The following KCND3 variants were observed in gnomAD, a reference collection of about 807,000 sequenced individuals.
KCND3 encodes the protein potassium voltage-gated channel subfamily D member 3.
Under a neutral mutation model 51.1 loss-of-function variants are expected in KCND3, and 9 were observed. The observed-to-expected ratio is 0.18, with a 90% CI of 0.11 to 0.31. The LOEUF is 0.31. Ranked by LOEUF, KCND3 falls within the 10% of genes least tolerant of loss-of-function variation. The pLI, the probability that KCND3 is intolerant of heterozygous loss-of-function variation, is 1.00. For synonymous variants in KCND3, 349 were observed against 368.0 expected, an observed-to-expected ratio of 0.95 and a Z score of 0.59; for missense variants, 526 against 903.8, an observed-to-expected ratio of 0.58 and a Z score of 5.36.
At chr1:111,904,164 A>G (rs1472461200) in intron 2 of KCND3, among the ~76,000 whole-genome samples, 1 of 150,044 alleles carries the variant, frequency 6.7e-6, no homozygotes, top group African/African-American at 2.5e-5. Context: ...CCCCTCCCAG[A>G]TGGTGGAGTC....
intron 2 of KCND3, among the ~76,000 whole-genome samples, chr1:111,848,988 C>A (rs565850157): frequency 6.6e-6 from 1 of 152,150 alleles, no homozygotes; most frequent in Non-Finnish European, 1.5e-5. Flanking sequence ...CCTGCCCCTC[C>A]CTCTCCTTTC....
intron 2 of KCND3, among the ~76,000 whole-genome samples, chr1:111,801,957 G>A (rs1156367385): frequency 1.3e-5 from 2 of 152,238 alleles, no homozygotes; most frequent in Non-Finnish European, 2.9e-5. Flanking sequence ...CCAGGCACAG[G>A]CTTTGGAGCC....
At chr1:111,897,040 G>A (rs1424932364) in intron 2 of KCND3, among the ~76,000 whole-genome samples, 8 of 152,228 alleles carry the variant, frequency 5.3e-5, no homozygotes, top group Admixed American at 2.6e-4. Context: ...TGTCTTGTCC[G>A]CTGTTGTATT....
intron 2 of KCND3, among the ~76,000 whole-genome samples, chr1:111,824,304 G>T (rs1008712879): frequency 6.6e-6 from 1 of 152,270 alleles, no homozygotes; most frequent in African/African-American, 2.4e-5. Flanking sequence ...TTGACCAGTT[G>T]GTTGACTTGC....
intron 2 of KCND3, among the ~76,000 whole-genome samples, chr1:111,831,235 A>T (rs1666821030): frequency 6.6e-6 from 1 of 152,150 alleles, no homozygotes; most frequent in Non-Finnish European, 1.5e-5. Flanking sequence ...CTCTTCCTGT[A>T]CTTTTCCTGT....
chr1:111,976,616 T>C (rs1674642987), intron 2 of KCND3, among the ~76,000 whole-genome samples: 1 of 152,126 alleles, frequency 6.6e-6, no homozygotes, highest in Admixed American at 6.5e-5. Context: ...GAAAGACACA[T>C]AAACAGCTGA....
intron 2 of KCND3, among the ~76,000 whole-genome samples, chr1:111,978,292 A>C (rs1231849805): frequency 6.6e-6 from 1 of 152,208 alleles, no homozygotes; most frequent in African/African-American, 2.4e-5. Flanking sequence ...CCTGCTCTGC[A>C]GAAGAGCTGG....
chr1:111,866,322 TG>T (rs1668570826), intron 2 of KCND3, among the ~76,000 whole-genome samples: 1 of 146,022 alleles, frequency 6.8e-6, no homozygotes, highest in Admixed American at 7.1e-5. Context: ...TGGAGCGCAG[TG>T]GGGCGATCTA....
rs1664070474 is a variant in KCND3, at chr1:111,775,621, C to T, written c.*456G>A. The T allele has an allele frequency of 4.9e-6, 1 of 202,608 alleles. No homozygotes were observed. Among genetic ancestry groups the T allele is most frequent in the Non-Finnish European group, 1.0e-5 (1 of 97,604 alleles). The allele number at this position is 202,608 out of a possible 1,614,324, so 12.6% of individuals were successfully genotyped here. The stretch of plus-strand genomic sequence containing the variant: ...ATGAATAAATATTATCCATTAAGAG[C>T]CTTGAAAAAGGTGCTTAAATACACA... On this transcript the variant is annotated 3_prime_UTR_variant, in exon 8 of 8. Coordinates refer to ENST00000302127, the MANE Select transcript of KCND3 (RefSeq NM_001378969.1).
chr1:111,785,830 A>G (rs774462911), intron 3 of KCND3, among the ~76,000 whole-genome samples: 120 of 152,286 alleles, frequency 7.9e-4, no homozygotes, highest in Admixed American at 1.1e-3. Flanking sequence ...GCAGAAGGCC[A>G]GTAGCAGGGA....
At chr1:111,946,522 CCATT>C (rs1394918241) in intron 2 of KCND3, among the ~76,000 whole-genome samples, 2 of 152,164 alleles carry the variant, frequency 1.3e-5, no homozygotes, top group African/African-American at 4.8e-5. Context: ...TTCTTGATGA[CCATT>C]CAAAGCCTCC....
chr1:111,838,199 T>A (rs1446238706), intron 2 of KCND3, among the ~76,000 whole-genome samples: 2 of 152,216 alleles, frequency 1.3e-5, no homozygotes, highest in Non-Finnish European at 1.5e-5. Context: ...GGGTGGGACA[T>A]CTATATAAAA....
chr1:111,798,053 G>A (rs562602815), intron 2 of KCND3, among the ~76,000 whole-genome samples: 7 of 152,278 alleles, frequency 4.6e-5, no homozygotes, highest in East Asian at 1.9e-4. Flanking sequence ...GTACCTATTC[G>A]TCCTTTTCTG....
At chr1:111,811,898 C>T (rs1030683151) in intron 2 of KCND3, among the ~76,000 whole-genome samples, 2 of 152,164 alleles carry the variant, frequency 1.3e-5, no homozygotes, top group African/African-American at 4.8e-5. Flanking sequence ...TCCCCACCTG[C>T]CTGTTTCCTT....
chr1:111,871,760 T>C (rs934612376), intron 2 of KCND3, among the ~76,000 whole-genome samples: 1 of 152,098 alleles, frequency 6.6e-6, no homozygotes, highest in Non-Finnish European at 1.5e-5. Context: ...AGGATGATCC[T>C]TGGATAAAAC....
chr1:111,784,613 T>C (rs536861103), intron 3 of KCND3, among the ~76,000 whole-genome samples: 66 of 152,286 alleles, frequency 4.3e-4, no homozygotes, highest in Admixed American at 9.8e-4. Context: ...TCCCATCCCA[T>C]CTCTCCACTT....
At chr1:111,953,133 A>G (rs1480681859) in intron 2 of KCND3, among the ~76,000 whole-genome samples, 1 of 152,188 alleles carries the variant, frequency 6.6e-6, no homozygotes, top group Non-Finnish European at 1.5e-5. Flanking sequence ...GCTGGACTTC[A>G]TTAATCTCAG....
At chr1:111,850,394 T>C (rs1667760067) in intron 2 of KCND3, among the ~76,000 whole-genome samples, 1 of 152,164 alleles carries the variant, frequency 6.6e-6, no homozygotes, top group Non-Finnish European at 1.5e-5. Flanking sequence ...TCGGGAATCC[T>C]TGGAGGCTGC....
Position 111,791,593 on chromosome 1 carries a change from G to T in KCND3, c.1107-4487C>A, listed in dbSNP as rs1664828030. Among the ~76,000 whole-genome samples the T allele has an allele frequency of 2.6e-5, 4 of 152,196 alleles. No homozygotes were observed. In the South Asian group the frequency reaches 8.3e-4, roughly 32 times the overall value. ...TGACTCTGCTCACTAACAAATTACT[G>T]TTTTCGTTTAACCTTTTTTCATTTA... is the stretch of plus-strand genomic sequence containing the variant. On this transcript the variant is annotated intron_variant, in intron 2 of 7. Coordinates refer to ENST00000302127, the MANE Select transcript of KCND3 (RefSeq NM_001378969.1).
Sources: gnomAD v4.1 joint callset for allele counts (sites outside exome capture counted in the v4.1 genomes callset) on GRCh38, gnomAD v4.1.1 for gene constraint, MANE v1.5 for transcripts, NCBI Gene and HGNC (gene_info 2026-07-23, HGNC 2026-07-21) for gene names.